The following CADPS variants were observed in gnomAD, a reference collection of about 807,000 sequenced individuals.
CADPS encodes calcium dependent secretion activator.
CADPS carries 57 observed loss-of-function variants against 167.3 expected under a neutral mutation model. That is an observed-to-expected ratio of 0.34 (90% CI 0.28 to 0.42). CADPS has a LOEUF of 0.42. Ranked by LOEUF, CADPS falls within the 20% of genes least tolerant of loss-of-function variation. The pLI is 1.00. For synonymous variants in CADPS, 676 were observed against 635.3 expected (o/e 1.06, Z -0.96); for missense variants, 1,414 against 1,738.1 (o/e 0.81, Z 3.32).
In CADPS at chr3:62,481,846, T is replaced by C. The variant is rs77008736; in HGVS notation, c.3050A>G (p.Asn1017Ser). The C allele has an allele frequency of 1.8e-5, 29 of 1,611,254 alleles. No individual in the cohort carries two copies. Among genetic ancestry groups the C allele is most frequent in the South Asian group, 2.2e-5 (2 of 90,266 alleles). Residue 1017 changes from asparagine (N) to serine (S), a missense_variant, in exon 22 of 30, where the codon AAT (asparagine) becomes AGT (serine). Transcript: ENST00000383710. The part of the protein sequence containing the change: ...PVKSLTSNLP[N>S]VNLPNVNLPK... ...AAGGTTCACATTGGGTAGGTTCACA[T>C]TGGGTAGGTTACTGGTTAAACTCCT...
chr3:62,723,789 T>C (rs1339115748), intron 3 of CADPS, among the ~76,000 whole-genome samples: 5 of 152,228 alleles, frequency 3.3e-5, no homozygotes, highest in East Asian at 1.9e-4. Flanking sequence ...GGCAGCTCCC[T>C]GCACGCTGAC....
intron 18 of CADPS, 134 bp from the exon 19 acceptor site, chr3:62,493,799 G>C (rs566482211): frequency 1.4e-6 from 1 of 717,138 alleles, no homozygotes; most frequent in Admixed American, 2.6e-5. Flanking sequence ...TGGGAGAGGG[G>C]AGATGCTGGC....
At chr3:62,405,540 A>AAAAAAT (rs1343294192) in intron 28 of CADPS, among the ~76,000 whole-genome samples, 3 of 152,096 alleles carry the variant, frequency 2.0e-5, no homozygotes, top group Non-Finnish European at 2.9e-5. Context: ...TTCTAGTAGT[A>AAAAAAT]AAAAATAAAA....
chr3:62,683,935 A>G (rs1023649967), intron 3 of CADPS, among the ~76,000 whole-genome samples: 1 of 152,074 alleles, frequency 6.6e-6, no homozygotes, highest in African/African-American at 2.4e-5. Context: ...TATGCTGTCA[A>G]CATGACTTCT....
At chr3:62,749,630 T>C (rs1427227364) in intron 3 of CADPS, among the ~76,000 whole-genome samples, 2 of 152,216 alleles carry the variant, frequency 1.3e-5, no homozygotes, top group African/African-American at 2.4e-5. Flanking sequence ...GAGCTGAGTG[T>C]AGTCTGCCAG....
At chr3:62,610,208 T>C (rs185770037) in intron 6 of CADPS, among the ~76,000 whole-genome samples, 1 of 152,090 alleles carries the variant, frequency 6.6e-6, no homozygotes, top group Admixed American at 6.6e-5. Flanking sequence ...TCCTTTCCTT[T>C]CCCTTCTTTC....
At chr3:62,484,879 A>G (rs2062571541) in intron 21 of CADPS, among the ~76,000 whole-genome samples, 1 of 152,184 alleles carries the variant, frequency 6.6e-6, no homozygotes, top group Admixed American at 6.5e-5. Context: ...CAGTTGTTGC[A>G]TGCATATATG....
intron 1 of CADPS, among the ~76,000 whole-genome samples, chr3:62,867,837 C>T (rs2081982520): frequency 6.6e-6 from 1 of 152,016 alleles, no homozygotes; most frequent in Admixed American, 6.6e-5. Context: ...TTAATTTTCA[C>T]AAAAACCCAA....
chr3:62,692,352 A>G (rs943770885), intron 3 of CADPS, among the ~76,000 whole-genome samples: 1 of 148,306 alleles, frequency 6.7e-6, no homozygotes, highest in African/African-American at 2.5e-5. Context: ...TTTAGTCCAG[A>G]GAAAGCAAAT....
At chr3:62,496,071 TTC>T (rs1277716305) in intron 18 of CADPS, among the ~76,000 whole-genome samples, 1 of 146,860 alleles carries the variant, frequency 6.8e-6, no homozygotes, top group Admixed American at 7.0e-5. Flanking sequence ...TTCTTTTCTT[TTC>T]TTTTTTTTTT....
At chr3:62,593,528 A>C (rs1285769787) in intron 6 of CADPS, among the ~76,000 whole-genome samples, 1 of 152,178 alleles carries the variant, frequency 6.6e-6, no homozygotes, top group African/African-American at 2.4e-5. Context: ...ATCTTCCAGA[A>C]GTGTTAACTG....
chr3:62,741,296 C>T (rs894249101), intron 3 of CADPS, among the ~76,000 whole-genome samples: 1 of 152,098 alleles, frequency 6.6e-6, no homozygotes, highest in African/African-American at 2.4e-5. Context: ...CATCTTGACA[C>T]CAAAACCTAG....
At chr3:62,680,195 TA>T (rs1030673266) in intron 3 of CADPS, among the ~76,000 whole-genome samples, 1 of 126,686 alleles carries the variant, frequency 7.9e-6, no homozygotes, top group African/African-American at 3.1e-5. Context: ...GCACAGTGGC[TA>T]AGAGCCAAGT....
In CADPS at chr3:62,465,585, G is replaced by T; in HGVS notation, c.3553-135C>A. ...TTCTGCAGTCTATTATTTGATTCCCGCCTTCGGAGAAAGGAATAGACTGCC... is the reference window on the plus strand; with the variant it reads ...TTCTGCAGTCTATTATTTGATTCCCTCCTTCGGAGAAAGGAATAGACTGCC... On this transcript the variant is annotated intron_variant, in intron 25 of 29. Transcript: ENST00000383710. This position sits in a 1 kb window ranked among gnomAD's most constrained non-coding sequence, Gnocchi z 4.1. 1.8e-6 allele frequency: 1 copy of T among 552,948 alleles called. No individual in the cohort carries two copies. Among genetic ancestry groups the T allele is most frequent in the Non-Finnish European group, 3.2e-6 (1 of 311,566 alleles). 34.3% of individuals were successfully genotyped at this position (552,948 alleles called of 1,614,324 possible).
chr3:62,444,791 GA>G (rs1422531633), intron 27 of CADPS, among the ~76,000 whole-genome samples: 5 of 152,106 alleles, frequency 3.3e-5, no homozygotes, highest in African/African-American at 9.7e-5. Context: ...CTGGGGAAAT[GA>G]ATTTAAATGT....
chr3:62,767,909 G>C (rs565199342), intron 1 of CADPS, among the ~76,000 whole-genome samples: 1 of 152,128 alleles, frequency 6.6e-6, no homozygotes, highest in African/African-American at 2.4e-5. Flanking sequence ...GACAGTTTAC[G>C]TTTAAAAAAT....
chr3:62,774,790 A>G (rs890800199), intron 1 of CADPS, among the ~76,000 whole-genome samples: 1 of 152,144 alleles, frequency 6.6e-6, no homozygotes, highest in Non-Finnish European at 1.5e-5. Flanking sequence ...ATATGAAGAG[A>G]ATCTGGCCTC....
chr3:62,710,334 C>T (rs2083157807), intron 3 of CADPS, among the ~76,000 whole-genome samples: 2 of 151,266 alleles, frequency 1.3e-5, no homozygotes, highest in African/African-American at 4.9e-5. Flanking sequence ...CTGGCCCAGA[C>T]AATTAAATTA....
chr3:62,437,109 A>G (rs1270760404), intron 28 of CADPS, among the ~76,000 whole-genome samples: 1 of 152,062 alleles, frequency 6.6e-6, no homozygotes, highest in Non-Finnish European at 1.5e-5. Context: ...TAATGTTCGC[A>G]TTGGCACTAA....
Sources: allele counts gnomAD v4.1 joint callset (sites outside exome capture counted in the v4.1 genomes callset), GRCh38; gene constraint gnomAD v4.1.1; non-coding constraint Gnocchi (gnomAD v3.1); transcripts MANE v1.5; gene names NCBI Gene and HGNC (gene_info 2026-07-23, HGNC 2026-07-21).